Variants in PIK3C2A observed in about 807,000 individuals in gnomAD.
PIK3C2A encodes the protein phosphatidylinositol 4-phosphate 3-kinase C2 domain-containing subunit alpha.
In PIK3C2A, 97 loss-of-function variants were observed where a neutral mutation model predicts 204.5. That is an observed-to-expected ratio of 0.47 (90% confidence interval 0.40 to 0.56). The LOEUF (loss-of-function observed/expected upper bound fraction) is 0.56, where lower values mean the gene tolerates loss of function less well. Among genes scored for constraint, PIK3C2A ranks in the 20% least tolerant of loss-of-function variants. The pLI is 0.00. For synonymous variants in PIK3C2A, 653 were observed against 664.4 expected, an observed-to-expected ratio of 0.98 and a Z score of 0.26; for missense variants, 1,735 against 1,969.2, an observed-to-expected ratio of 0.88 and a Z score of 2.25.
At chr11:17,110,390 A>G (rs775942558) in intron 22 of PIK3C2A, 42 bp downstream of exon 22, 28 of 1,539,088 alleles carry the variant, frequency 1.8e-5, no homozygotes, top group Non-Finnish European at 2.4e-5. Context: ...AGCTAAGTTC[A>G]AGGAAAAAAA....
At chr11:17,091,190 G>T in intron 32 of PIK3C2A, 144 bp downstream of exon 32, 1 of 671,068 alleles carries the variant, frequency 1.5e-6, no homozygotes. Context: ...ATACCTAGGT[G>T]ATAGGTTGAT....
At chr11:17,144,169 A>C (rs1414448615) in intron 8 of PIK3C2A, among the ~76,000 whole-genome samples, 1 of 152,162 alleles carries the variant, frequency 6.6e-6, no homozygotes, top group African/African-American at 2.4e-5. Flanking sequence ...ACTTCCATGT[A>C]AATATCACAC....
chr11:17,159,426 A>T (rs1180581496), intron 2 of PIK3C2A, among the ~76,000 whole-genome samples: 1 of 152,236 alleles, frequency 6.6e-6, no homozygotes, highest in Non-Finnish European at 1.5e-5. Context: ...TTCTCTAGTA[A>T]ATATGTTGTG....
chr11:17,145,817 A>G, intron 7 of PIK3C2A, 46 bp downstream of exon 7: 1 of 1,576,700 alleles, frequency 6.3e-7, no homozygotes, highest in Non-Finnish European at 8.7e-7. Context: ...ATTTGCATCC[A>G]AAAACAAAGT....
chr11:17,180,475 C>T (rs992870941), intron 1 of PIK3C2A, among the ~76,000 whole-genome samples: 4 of 150,766 alleles, frequency 2.7e-5, no homozygotes, highest in African/African-American at 9.8e-5. Context: ...CTTTCTAATA[C>T]ATTAAAAAGA....
chr11:17,091,554 T>C lies in PIK3C2A; in HGVS notation c.4745A>G (p.Lys1582Arg), dbSNP rs753368022. 1.9e-6 allele frequency: 3 copies of C among 1,609,320 alleles called. No homozygotes were observed. Among genetic ancestry groups the C allele is most frequent in the South Asian group, 2.2e-5 (2 of 90,748 alleles). Residue 1582 changes from lysine to arginine, a missense_variant, in exon 31 of 33, where the codon AAA becomes AGA. Lys to Arg is a conservative substitution (Grantham distance 26, BLOSUM62 2). This residue lies in a region of PIK3C2A where 503 missense variants were observed against 669.0 expected (regional missense o/e 0.75). Transcript: ENST00000691414. ...GTLFIMVMHI[K>R]DLVTEDGADP... ...TTCTTTGTAATCACTCACAAGATCT[T>C]TGATATGCATCACCATGATGAAAAG...
At chr11:17,105,637 A>G (rs1364952121) in intron 22 of PIK3C2A, among the ~76,000 whole-genome samples, 1 of 152,196 alleles carries the variant, frequency 6.6e-6, no homozygotes, top group African/African-American at 2.4e-5. Flanking sequence ...ATGAGTGGGA[A>G]CATGAGATGT....
intron 8 of PIK3C2A, among the ~76,000 whole-genome samples, chr11:17,137,559 C>T (rs1849915101): frequency 6.6e-6 from 1 of 151,868 alleles, no homozygotes; most frequent in Admixed American, 6.6e-5. Flanking sequence ...CAGGTGTCTG[C>T]CACCATGCCT....
intron 13 of PIK3C2A, among the ~76,000 whole-genome samples, chr11:17,128,973 C>T (rs1849607466): frequency 6.6e-6 from 1 of 152,208 alleles, no homozygotes; most frequent in South Asian, 2.1e-4. Context: ...CTTTGGTTAA[C>T]ATCAAGGGAA....
intron 1 of PIK3C2A, among the ~76,000 whole-genome samples, chr11:17,207,117 G>C (rs187538633): frequency 6.6e-6 from 1 of 152,118 alleles, no homozygotes; most frequent in Non-Finnish European, 1.5e-5. Context: ...CACAGCTAGA[G>C]AATGTCGTTT....
intron 13 of PIK3C2A, among the ~76,000 whole-genome samples, chr11:17,127,906 G>A (rs1849573478): frequency 6.6e-6 from 1 of 152,168 alleles, no homozygotes; most frequent in Non-Finnish European, 1.5e-5. Flanking sequence ...GTTTCAGTAT[G>A]TTAATATAGG....
intron 28 of PIK3C2A, 130 bp downstream of exon 28, chr11:17,094,131 T>A: frequency 1.6e-6 from 1 of 618,828 alleles, no homozygotes; most frequent in Non-Finnish European, 2.7e-6. Flanking sequence ...TAGGTCTTTA[T>A]GACACAAAGG....
rs767781755 is a variant in PIK3C2A at position 17,097,225 on chromosome 11, A to G, written c.4158T>C (p.Phe1386=). ...ESSLGSIATK[F]NFFIHNLAQL... ...GAGCAAGGTTGTGAATGAAGAAGTT[A>G]AACTTTGTGGCAATGCTTCCCAAAC... is the stretch of plus-strand genomic sequence containing the variant. Residue 1386 remains phenylalanine (F), a synonymous_variant, in exon 27 of 33, where the codon TTT becomes TTC. Coordinates refer to ENST00000691414, the MANE Select transcript of PIK3C2A (RefSeq NM_002645.4). 44 of 1,613,704 alleles carry G rather than the reference A, an allele frequency of 2.7e-5. No individual in the cohort carries two copies. Among genetic ancestry groups the G allele is most frequent in the Non-Finnish European group, 2.6e-5 (31 of 1,179,750 alleles).
intron 8 of PIK3C2A, among the ~76,000 whole-genome samples, chr11:17,138,520 C>A (rs992312183): frequency 6.6e-6 from 1 of 152,086 alleles, no homozygotes; most frequent in South Asian, 2.1e-4. Flanking sequence ...GTCTAAGGTT[C>A]GGGGAGAGAC....
chr11:17,144,722 C>A (rs567158549), intron 8 of PIK3C2A, among the ~76,000 whole-genome samples: 1 of 151,852 alleles, frequency 6.6e-6, no homozygotes. Context: ...TGGTGAAACC[C>A]CATCTCTACT....
chr11:17,106,229 T>C (rs576872772), intron 22 of PIK3C2A, among the ~76,000 whole-genome samples: 24 of 151,596 alleles, frequency 1.6e-4, no homozygotes, highest in Admixed American at 5.3e-4. Context: ...CTGACCAACA[T>C]AGCAAAACCC....
At chr11:17,181,163 C>G (rs967455004) in intron 1 of PIK3C2A, among the ~76,000 whole-genome samples, 4 of 152,088 alleles carry the variant, frequency 2.6e-5, no homozygotes, top group Admixed American at 6.5e-5. Context: ...GCTCTCCAAA[C>G]CCTGTCATTT....
At chr11:17,196,253 A>C (rs1395737312) in intron 1 of PIK3C2A, among the ~76,000 whole-genome samples, 1 of 152,186 alleles carries the variant, frequency 6.6e-6, no homozygotes, top group African/African-American at 2.4e-5. Flanking sequence ...GGGGGATACT[A>C]TACTGAATTT....
chr11:17,165,602 C>T (rs868038375), intron 2 of PIK3C2A, among the ~76,000 whole-genome samples: 1 of 151,698 alleles, frequency 6.6e-6, no homozygotes, highest in Non-Finnish European at 1.5e-5. Flanking sequence ...ATGGAGAAAC[C>T]GCGTCTCTAC....
Sources: allele counts gnomAD v4.1 joint callset (sites outside exome capture counted in the v4.1 genomes callset), GRCh38; gene constraint gnomAD v4.1.1; regional missense constraint gnomAD v4.1.1; transcripts MANE v1.5; gene names NCBI Gene and HGNC (gene_info 2026-07-23, HGNC 2026-07-21).